Variants in ENPP6 observed in about 807,000 individuals in gnomAD.
ENPP6 encodes the protein glycerophosphocholine cholinephosphodiesterase ENPP6.
Under a neutral mutation model 42.0 loss-of-function variants are expected in ENPP6, and 32 were observed. The observed-to-expected ratio is 0.76, with a 90% CI of 0.58 to 1.02. The LOEUF is 1.02. Among genes scored for constraint, ENPP6 ranks in the 50% least tolerant of loss-of-function variants. The pLI is 0.00. For synonymous variants in ENPP6, 213 were observed against 216.0 expected, an observed-to-expected ratio of 0.99 and a Z score of 0.12; for missense variants, 552 against 566.8, an observed-to-expected ratio of 0.97 and a Z score of 0.27.
chr4:184,113,174 G>A (rs1378318889), intron 5 of ENPP6, among the ~76,000 whole-genome samples: 1 of 152,166 alleles, frequency 6.6e-6, no homozygotes. Context: ...TTCTGCAATG[G>A]AATACTCTAC....
chr4:184,155,074 G>A (rs1267294327), intron 1 of ENPP6, among the ~76,000 whole-genome samples: 1 of 152,140 alleles, frequency 6.6e-6, no homozygotes, highest in Non-Finnish European at 1.5e-5. Context: ...TCCCGGGGCT[G>A]GGTCTGAGAA....
At chr4:184,098,982 G>T (rs1052755199) in intron 6 of ENPP6, among the ~76,000 whole-genome samples, 1 of 152,236 alleles carries the variant, frequency 6.6e-6, no homozygotes, top group East Asian at 1.9e-4. Context: ...CATGTGTTTA[G>T]TGAGCCAAGC....
intron 1 of ENPP6, among the ~76,000 whole-genome samples, chr4:184,208,549 G>T (rs569777182): frequency 6.6e-6 from 1 of 152,042 alleles, no homozygotes; most frequent in African/African-American, 2.4e-5. Context: ...AAAAACGGCG[G>T]ACCACGAGAT....
At chr4:184,190,318 C>A (rs1732696792) in intron 1 of ENPP6, among the ~76,000 whole-genome samples, 1 of 152,192 alleles carries the variant, frequency 6.6e-6, no homozygotes, top group African/African-American at 2.4e-5. Context: ...ACAGAGTTTG[C>A]AAAATACTTA....
chr4:184,106,040 GT>G (rs10563321), intron 6 of ENPP6, among the ~76,000 whole-genome samples: 48,824 of 141,088 alleles, frequency 0.35, 7,893 homozygotes, highest in Non-Finnish European at 0.41. Flanking sequence ...ATACCAAGTT[GT>G]TTTTTTTTTT....
At chr4:184,181,890 C>A (rs1464133626) in intron 1 of ENPP6, among the ~76,000 whole-genome samples, 1 of 152,020 alleles carries the variant, frequency 6.6e-6, no homozygotes, top group Admixed American at 6.6e-5. Flanking sequence ...AATGTAAAAC[C>A]TAAAACTATA....
Position 184,184,969 on chromosome 4 carries a change from C to T in ENPP6, c.242-31236G>A, listed in dbSNP as rs1432256445. On this transcript the variant is annotated intron_variant, in intron 1 of 7. Transcript: ENST00000296741. The surrounding 1 kb of genome is among the most constrained non-coding windows in gnomAD (Gnocchi z 4.7). ...AGGAGGAATGGGAGGAGAGGAGCTG[C>T]GTCACATCTAATGAGACAGCTGGGA... 6.6e-6 allele frequency among the ~76,000 whole-genome samples: 1 copy of T among 152,152 alleles called. No homozygotes were observed. The highest frequency in any genetic ancestry group is 1.9e-4 in the East Asian group (1 of 5,192).
intron 1 of ENPP6, among the ~76,000 whole-genome samples, chr4:184,202,295 T>C (rs1328063144): frequency 2.6e-5 from 4 of 152,234 alleles, no homozygotes; most frequent in Non-Finnish European, 5.9e-5. Context: ...GTGGCATCTG[T>C]TCAGGCTCTT....
intron 6 of ENPP6, among the ~76,000 whole-genome samples, chr4:184,098,384 C>T: frequency 6.6e-6 from 1 of 152,184 alleles, no homozygotes; most frequent in East Asian, 1.9e-4. Context: ...CTTAGGGAAC[C>T]AGTATCTATC....
intron 1 of ENPP6, among the ~76,000 whole-genome samples, chr4:184,172,383 C>CCT (rs1317264605): frequency 6.6e-6 from 1 of 152,126 alleles, no homozygotes; most frequent in Non-Finnish European, 1.5e-5. Context: ...GAGCCTCCAC[C>CCT]CTCTAGCTAG....
intron 1 of ENPP6, among the ~76,000 whole-genome samples, chr4:184,193,590 G>A (rs1579658680): frequency 6.6e-6 from 1 of 152,034 alleles, no homozygotes; most frequent in African/African-American, 2.4e-5. Context: ...AAAATAACTG[G>A]GTTGTACTCT....
intron 2 of ENPP6, among the ~76,000 whole-genome samples, chr4:184,143,395 G>C (rs2111369999): frequency 6.6e-6 from 1 of 152,346 alleles, no homozygotes; most frequent in Non-Finnish European, 1.5e-5. Context: ...AGCAGTGTCT[G>C]TGGGCCCTGC....
intron 3 of ENPP6, among the ~76,000 whole-genome samples, chr4:184,120,520 G>A (rs531742379): frequency 3.8e-4 from 58 of 152,164 alleles, no homozygotes; most frequent in African/African-American, 1.3e-3. Flanking sequence ...GTGACCCCCT[G>A]CTCTCCTCCA....
intron 6 of ENPP6, among the ~76,000 whole-genome samples, chr4:184,103,963 C>A (rs58108718): frequency 1.3e-5 from 2 of 152,102 alleles, no homozygotes; most frequent in Non-Finnish European, 2.9e-5. Flanking sequence ...CGGAGTGGAG[C>A]AAAGCGCTGG....
chr4:184,204,143 G>A (rs913599851), intron 1 of ENPP6: 6 of 152,096 alleles, frequency 3.9e-5, no homozygotes, highest in Admixed American at 2.0e-4. Flanking sequence ...AGATACCAGC[G>A]ATACTGGATG....
intron 3 of ENPP6, among the ~76,000 whole-genome samples, chr4:184,122,217 G>A (rs1171911702): frequency 6.6e-6 from 1 of 152,114 alleles, no homozygotes; most frequent in African/African-American, 2.4e-5. Context: ...CAGACCATGT[G>A]AATGCCAACC....
intron 6 of ENPP6, among the ~76,000 whole-genome samples, chr4:184,111,575 G>A (rs770951481): frequency 4.9e-4 from 74 of 152,212 alleles, no homozygotes; most frequent in Non-Finnish European, 1.5e-4. Flanking sequence ...CCCTCACCTT[G>A]TAAACCACGT....
chr4:184,141,025 A>T (rs1392507048), intron 2 of ENPP6, among the ~76,000 whole-genome samples: 1 of 93,688 alleles, frequency 1.1e-5, no homozygotes, highest in Non-Finnish European at 2.5e-5. Flanking sequence ...ATCTACAATG[A>T]ACTCAAACAA....
At position 184,091,286 on chromosome 4, in the gene ENPP6, C is replaced by G; in HGVS notation, c.1214G>C (p.Gly405Ala). 1 of 1,614,008 alleles carries G rather than the reference C, an allele frequency of 6.2e-7. No homozygotes were observed. ...CATGCACATCACCCTGGACCAGGAT[C>G]CGTTGTTGGGCAGCGGGGTGATGCC... Reference protein sequence around the residue: ...VVGITPLPNNGSWSRVMCMLK... With the variant: ...VVGITPLPNNASWSRVMCMLK... The change falls in exon 8 of 8, where the codon GGA becomes GCA. Residue 405 changes from glycine (G) to alanine (A), a missense_variant. Coordinates refer to ENST00000296741, the MANE Select transcript of ENPP6 (RefSeq NM_153343.4).
Sources: allele counts gnomAD v4.1 joint callset (sites outside exome capture counted in the v4.1 genomes callset), GRCh38; gene constraint gnomAD v4.1.1; non-coding constraint Gnocchi (gnomAD v3.1); transcripts MANE v1.5; gene names NCBI Gene and HGNC (gene_info 2026-07-23, HGNC 2026-07-21).